NAA15: variants seen among roughly 807,000 people sequenced by gnomAD.
The protein encoded by NAA15 is N-terminal acetyltransferase.
NAA15 carries 34 observed loss-of-function variants against 114.0 expected under a neutral mutation model. The observed-to-expected ratio is 0.30, with a 90% CI of 0.23 to 0.40. The LOEUF is 0.40. Ranked by LOEUF, NAA15 falls within the 10% of genes least tolerant of loss-of-function variation. NAA15 has a pLI of 1.00. For synonymous variants in NAA15, 340 were observed against 338.0 expected, an observed-to-expected ratio of 1.01 and a Z score of -0.06; for missense variants, 658 against 1,004.5, an observed-to-expected ratio of 0.66 and a Z score of 4.66.
At chr4:139,360,440 C>T (rs1302285711) in intron 12 of NAA15, 60 bp from the exon 13 acceptor site, 8 of 1,384,816 alleles carry the variant, frequency 5.8e-6, no homozygotes, top group Non-Finnish European at 7.6e-6. Flanking sequence ...TTTTAAAATT[C>T]TGTGGTAGAA....
At chr4:139,304,252 A>T (rs1208125871) in intron 1 of NAA15, among the ~76,000 whole-genome samples, 1 of 152,226 alleles carries the variant, frequency 6.6e-6, no homozygotes, top group Non-Finnish European at 1.5e-5. Flanking sequence ...TCAAACTTTT[A>T]ATTTTGAGAA....
At chr4:139,339,533 G>T (rs1238183238) in intron 3 of NAA15, among the ~76,000 whole-genome samples, 2 of 151,732 alleles carry the variant, frequency 1.3e-5, no homozygotes, top group Non-Finnish European at 2.9e-5. Flanking sequence ...GGCGGATCAC[G>T]AGATCAGGAG....
Position 139,357,510 on chromosome 4 carries a change from A to C in NAA15, c.1212A>C (p.Thr404=). 1 of 1,611,136 alleles carries C rather than the reference A, an allele frequency of 6.2e-7. No homozygotes were observed. The highest frequency in any genetic ancestry group is 8.5e-7 in the Non-Finnish European group (1 of 1,177,630). The change falls in exon 11 of 20, where the codon ACA becomes ACC. Residue 404 remains threonine, a synonymous_variant. Transcript: ENST00000296543. ...ACATAAATACTGCTATTGAAAGTAC[A>C]CCTACATTAATAGAACTCTTTCTCG... ...LEYINTAIES[T]PTLIELFLVK... is the part of the protein sequence containing the mutation.
intron 4 of NAA15, among the ~76,000 whole-genome samples, chr4:139,341,867 A>G (rs531380767): frequency 1.3e-4 from 20 of 151,706 alleles, no homozygotes; most frequent in African/African-American, 3.6e-4. Flanking sequence ...GGCTACAGAC[A>G]TGTGCCACCA....
intron 16 of NAA15, among the ~76,000 whole-genome samples, chr4:139,377,891 C>G (rs145591195): frequency 8.5e-5 from 13 of 152,274 alleles, no homozygotes; most frequent in African/African-American, 3.1e-4. Context: ...AATTCAAAAG[C>G]TGCTCTGCTT....
At chr4:139,339,073 A>G (rs1455870591) in intron 3 of NAA15, among the ~76,000 whole-genome samples, 1 of 152,040 alleles carries the variant, frequency 6.6e-6, no homozygotes, top group Non-Finnish European at 1.5e-5. Context: ...TGCCTCCCAA[A>G]GTGCTGGGAT....
At chr4:139,336,722 T>A (rs1349261962) in intron 2 of NAA15, 126 bp from the exon 3 acceptor site, 2 of 459,110 alleles carry the variant, frequency 4.4e-6, no homozygotes, top group Non-Finnish European at 7.3e-6. Flanking sequence ...ATCTTAGTAA[T>A]CTCCTTGACA....
Position 139,354,096 on chromosome 4 carries a change from A to T in NAA15, c.1085A>T (p.Asn362Ile). ...AAAAGCTGCCGGTTATTTAACCCCA[A>T]TGGTAAGTCCTCAAGTTTTATGTTT... ...SLKSCRLFNP[N>I]DDGKEEPPTT... The change falls in exon 10 of 20, where the codon AAT becomes ATT. Residue 362 changes from asparagine (N) to isoleucine (I), a missense_variant and splice_region_variant. Physicochemically the swap from Asn to Ile is moderately radical, Grantham distance 149. This residue lies in a region of NAA15 where 281 missense variants were observed against 389.1 expected (regional missense o/e 0.72). Coordinates refer to ENST00000296543, the MANE Select transcript of NAA15 (RefSeq NM_057175.5). 6.2e-7 allele frequency: 1 copy of T among 1,611,640 alleles called. No individual in the cohort carries two copies. The highest frequency in any genetic ancestry group is 8.5e-7 in the Non-Finnish European group (1 of 1,177,988).
intron 1 of NAA15, among the ~76,000 whole-genome samples, chr4:139,305,720 G>C (rs568853387): frequency 2.6e-5 from 4 of 152,208 alleles, no homozygotes; most frequent in Admixed American, 1.3e-4. Context: ...TGTTAGTAGA[G>C]ATGGGGTTTC....
chr4:139,365,983 GT>G (rs1360686203), intron 14 of NAA15, among the ~76,000 whole-genome samples: 2 of 150,918 alleles, frequency 1.3e-5, no homozygotes, highest in African/African-American at 4.9e-5. Context: ...TTATAGTTTT[GT>G]GTTTCCAGAA....
At position 139,361,765 on chromosome 4, in the gene NAA15, A is replaced by C; in HGVS notation, c.1581A>C (p.Thr527=). The C allele has an allele frequency of 6.2e-7, 1 of 1,611,234 alleles. No homozygotes were observed. The highest frequency in any genetic ancestry group is 8.5e-7 in the Non-Finnish European group (1 of 1,178,338). The part of the protein sequence containing the change: ...EITDDQFDFH[T]YCMRKITLRS... Reference sequence around the variant, plus strand: ...CTGATGACCAGTTTGACTTTCATACATACTGTATGAGGAAGATTACCCTTA... The same window carrying C: ...CTGATGACCAGTTTGACTTTCATACCTACTGTATGAGGAAGATTACCCTTA... The change falls in exon 14 of 20, where the codon ACA becomes ACC. Residue 527 remains threonine, a synonymous_variant. Coordinates refer to ENST00000296543, the MANE Select transcript of NAA15 (RefSeq NM_057175.5).
chr4:139,367,555 A>G (rs1418531237), intron 14 of NAA15, among the ~76,000 whole-genome samples: 3 of 152,160 alleles, frequency 2.0e-5, no homozygotes, highest in Non-Finnish European at 4.4e-5. Context: ...TGGAGGGGAG[A>G]ACACCCTTAA....
At chr4:139,311,319 A>T (rs1354880460) in intron 1 of NAA15, among the ~76,000 whole-genome samples, 1 of 151,982 alleles carries the variant, frequency 6.6e-6, no homozygotes. Flanking sequence ...GTAGATGTTT[A>T]ATAAATATTT....
intron 1 of NAA15, among the ~76,000 whole-genome samples, chr4:139,320,549 C>T (rs1746560915): frequency 1.3e-5 from 2 of 152,136 alleles, no homozygotes; most frequent in Non-Finnish European, 2.9e-5. Context: ...GACACGGAGT[C>T]TCACTCTGTC....
chr4:139,329,367 AG>A (rs1397879271), intron 1 of NAA15, among the ~76,000 whole-genome samples: 6 of 151,910 alleles, frequency 3.9e-5, no homozygotes. Flanking sequence ...TCCTGCTCTT[AG>A]GTGTCTAGAT....
At chr4:139,373,289 C>G (rs1392364171) in intron 15 of NAA15, among the ~76,000 whole-genome samples, 8 of 152,104 alleles carry the variant, frequency 5.3e-5, no homozygotes, top group Non-Finnish European at 1.5e-5. Flanking sequence ...TGCTTCTAGG[C>G]TACAAACCTG....
At chr4:139,311,762 A>T (rs1176248107) in intron 1 of NAA15, among the ~76,000 whole-genome samples, 8 of 151,988 alleles carry the variant, frequency 5.3e-5, no homozygotes, top group African/African-American at 1.9e-4. Flanking sequence ...TGACCACTAT[A>T]TATGATATTA....
intron 15 of NAA15, among the ~76,000 whole-genome samples, chr4:139,375,190 T>C (rs142935175): frequency 6.6e-6 from 1 of 152,262 alleles, no homozygotes; most frequent in East Asian, 1.9e-4. Flanking sequence ...AGAAGTAAAA[T>C]ATGTACAAAT....
chr4:139,370,395 A>G lies in NAA15; in HGVS notation c.1938A>G (p.Lys646=). 1 of 1,575,430 alleles carries G rather than the reference A, an allele frequency of 6.3e-7. No individual in the cohort carries two copies. Among genetic ancestry groups the G allele is most frequent in the Non-Finnish European group, 8.6e-7 (1 of 1,169,462 alleles). ...GGPKEELIPE[K]LAKVETPLEE... ...CAAAAGAAGAACTTATTCCAGAGAAACTGGCCAAGGTACTTAATAATAGTG... is the reference window on the plus strand; with the variant it reads ...CAAAAGAAGAACTTATTCCAGAGAAGCTGGCCAAGGTACTTAATAATAGTG... Residue 646 remains lysine (K), a synonymous_variant, in exon 15 of 20, where the codon AAA becomes AAG. Coordinates refer to ENST00000296543, the MANE Select transcript of NAA15 (RefSeq NM_057175.5).
Sources: allele counts gnomAD v4.1 joint callset (sites outside exome capture counted in the v4.1 genomes callset), GRCh38; gene constraint gnomAD v4.1.1; regional missense constraint gnomAD v4.1.1; transcripts MANE v1.5; gene names NCBI Gene and HGNC (gene_info 2026-07-23, HGNC 2026-07-21).